The following ST6GALNAC3 variants were observed in gnomAD, a reference collection of about 807,000 sequenced individuals.
ST6GALNAC3 encodes the protein ST6 N-acetylgalactosaminide alpha-2,6-sialyltransferase 3.
In ST6GALNAC3, 25 loss-of-function variants were observed where a neutral mutation model predicts 32.7. That is an observed-to-expected ratio of 0.76 (90% CI 0.56 to 1.07). ST6GALNAC3 has a LOEUF of 1.07. ST6GALNAC3 is among the 50% of genes least tolerant of loss of function. The pLI is 0.00. For synonymous variants in ST6GALNAC3, 129 were observed against 133.1 expected (o/e 0.97, Z 0.21); for missense variants, 355 against 382.4 (o/e 0.93, Z 0.60).
At chr1:76,177,076 T>C (rs1367125400) in intron 1 of ST6GALNAC3, among the ~76,000 whole-genome samples, 1 of 152,190 alleles carries the variant, frequency 6.6e-6, no homozygotes, top group Non-Finnish European at 1.5e-5. Flanking sequence ...CGTTGTCTAT[T>C]AACAAAAAGT....
chr1:76,507,344 G>C (rs1453863549), intron 3 of ST6GALNAC3, among the ~76,000 whole-genome samples: 1 of 151,936 alleles, frequency 6.6e-6, no homozygotes, highest in Non-Finnish European at 1.5e-5. Context: ...ATGGCTTTTA[G>C]TATATTCAGA....
At chr1:76,499,599 G>C (rs899642315) in intron 3 of ST6GALNAC3, among the ~76,000 whole-genome samples, 3 of 151,984 alleles carry the variant, frequency 2.0e-5, no homozygotes, top group African/African-American at 7.3e-5. Flanking sequence ...TGGAGGGGAG[G>C]GGTCCTTAGG....
intron 2 of ST6GALNAC3, among the ~76,000 whole-genome samples, chr1:76,380,153 G>C (rs925867691): frequency 6.6e-6 from 1 of 152,150 alleles, no homozygotes; most frequent in Non-Finnish European, 1.5e-5. Flanking sequence ...CTTAAAATGG[G>C]CAGGAAATGT....
At chr1:76,330,680 G>T (rs1041332793) in intron 2 of ST6GALNAC3, among the ~76,000 whole-genome samples, 4 of 152,180 alleles carry the variant, frequency 2.6e-5, no homozygotes, top group Non-Finnish European at 4.4e-5. Context: ...CTATGTAATA[G>T]ATACTATTAT....
At chr1:76,114,131 CTG>C (rs760620314) in intron 1 of ST6GALNAC3, among the ~76,000 whole-genome samples, 16 of 151,918 alleles carry the variant, frequency 1.1e-4, no homozygotes, top group Non-Finnish European at 2.1e-4. Context: ...ACATGAGTCA[CTG>C]TGCTCAGCCA....
chr1:76,606,967 A>G (rs903360234), intron 3 of ST6GALNAC3, among the ~76,000 whole-genome samples: 5 of 151,868 alleles, frequency 3.3e-5, no homozygotes, highest in African/African-American at 7.3e-5. Context: ...CCACACAGGT[A>G]AAGGCCTCAG....
In ST6GALNAC3 at chr1:76,632,675, A is replaced by C. The variant is rs2100744492; in HGVS notation, c.*3869A>C. The C allele has an allele frequency of 6.6e-6, 1 of 152,246 alleles. No individual in the cohort carries two copies. Among genetic ancestry groups the C allele is most frequent in the East Asian group, 1.9e-4 (1 of 5,170 alleles). The allele number at this position is 152,246 out of a possible 1,614,324, so 9.4% of individuals were successfully genotyped here. A position where few individuals can be genotyped will look rare whatever the true frequency, so the allele number is the denominator to read the frequency against. On this transcript the variant is annotated 3_prime_UTR_variant, in exon 5 of 5. Coordinates refer to ENST00000328299, the MANE Select transcript of ST6GALNAC3 (RefSeq NM_152996.4). The stretch of plus-strand genomic sequence containing the variant: ...CAAGAAGTAGAAGGCCATCAGAAGA[A>C]AATCACTGTTACTTAGAGAAGAGAC...
chr1:76,325,227 AT>A (rs1184160694), intron 2 of ST6GALNAC3, among the ~76,000 whole-genome samples: 1 of 152,264 alleles, frequency 6.6e-6, no homozygotes, highest in Non-Finnish European at 1.5e-5. Context: ...GATGTATAAG[AT>A]ACATGCATTG....
chr1:76,081,854 C>G (rs192277668), intron 1 of ST6GALNAC3, among the ~76,000 whole-genome samples: 86 of 152,288 alleles, frequency 5.6e-4, no homozygotes, highest in African/African-American at 1.9e-3. Context: ...ATTTCAGGCT[C>G]CCCAACATAG....
intron 3 of ST6GALNAC3, among the ~76,000 whole-genome samples, chr1:76,515,109 G>A (rs1454784054): frequency 6.6e-6 from 1 of 152,096 alleles, no homozygotes; most frequent in African/African-American, 2.4e-5. Flanking sequence ...TTAAATGTTT[G>A]ATAGAATTCA....
intron 2 of ST6GALNAC3, among the ~76,000 whole-genome samples, chr1:76,318,856 GGGCTTGGTTCAA>G: frequency 6.6e-6 from 1 of 152,252 alleles, no homozygotes; most frequent in East Asian, 1.9e-4. Context: ...AGGTAGTCCA[GGGCTTGGTTCAA>G]GGTAATCTTG....
chr1:76,582,349 TGA>T (rs1646904058), intron 3 of ST6GALNAC3, among the ~76,000 whole-genome samples: 2 of 152,166 alleles, frequency 1.3e-5, no homozygotes, highest in Non-Finnish European at 2.9e-5. Context: ...GGCTGGGTTC[TGA>T]GACAGAGCAT....
chr1:76,326,404 G>T (rs752763649), intron 2 of ST6GALNAC3, among the ~76,000 whole-genome samples: 1 of 152,184 alleles, frequency 6.6e-6, no homozygotes, highest in Non-Finnish European at 1.5e-5. Flanking sequence ...GGAGTGGGAA[G>T]TATACTCCTC....
Position 76,412,092 on chromosome 1 carries a change from C to T in ST6GALNAC3, c.298C>T (p.Arg100Ter), listed in dbSNP as rs374793601. 8.7e-6 allele frequency: 14 copies of T among 1,613,338 alleles called. No homozygotes were observed. Among genetic ancestry groups the T allele is most frequent in the Non-Finnish European group, 1.0e-5 (12 of 1,179,704 alleles). ...CCAGAAGGTGGGAAATGAGATAGAT[C>T]GATCCTCCTGCATTTGGAGAATGAA... ...VGQKVGNEIDRSSCIWRMNNA... is the reference protein window; with the variant it reads ...VGQKVGNEID Residue 100 changes from arginine to a stop codon, truncating the protein, a stop_gained, in exon 3 of 5, where the codon CGA becomes TGA. Coordinates refer to ENST00000328299, the MANE Select transcript of ST6GALNAC3 (RefSeq NM_152996.4). LOFTEE classifies it high-confidence loss of function.
chr1:76,156,818 G>T (rs1016557611), intron 1 of ST6GALNAC3, among the ~76,000 whole-genome samples: 12 of 152,260 alleles, frequency 7.9e-5, no homozygotes, highest in Middle Eastern at 3.4e-3. Context: ...TGCAAGCTCC[G>T]CCTCCCGGGT....
chr1:76,130,838 C>G (rs1050529928), intron 1 of ST6GALNAC3, among the ~76,000 whole-genome samples: 1 of 152,196 alleles, frequency 6.6e-6, no homozygotes, highest in African/African-American at 2.4e-5. Context: ...GCACCCCGCT[C>G]AGAGGTGGTT....
chr1:76,342,115 A>G lies in ST6GALNAC3; in HGVS notation c.213+28116A>G, dbSNP rs556761410. Among the ~76,000 whole-genome samples, 926 of 152,100 alleles carry G rather than the reference A, an allele frequency of 6.1e-3. 4 individuals carry two copies. Among genetic ancestry groups the G allele is most frequent in the African/African-American group, 0.021 (879 of 41,474 alleles). On this transcript the variant is annotated intron_variant, in intron 2 of 4. Coordinates refer to ENST00000328299, the MANE Select transcript of ST6GALNAC3 (RefSeq NM_152996.4). ...TTCTTTATCCAGTCTATCATTGATGAGCGTTTGGGTTGGTTCCAGGTCTTT... is the reference window on the plus strand; with the variant it reads ...TTCTTTATCCAGTCTATCATTGATGGGCGTTTGGGTTGGTTCCAGGTCTTT...
chr1:76,342,780 A>G (rs1192054177), intron 2 of ST6GALNAC3, among the ~76,000 whole-genome samples: 1 of 151,792 alleles, frequency 6.6e-6, no homozygotes, highest in African/African-American at 2.4e-5. Flanking sequence ...GATTGGTATG[A>G]GATGGTGTCT....
intron 1 of ST6GALNAC3, among the ~76,000 whole-genome samples, chr1:76,221,622 A>C (rs1655775986): frequency 6.6e-6 from 1 of 152,182 alleles, no homozygotes; most frequent in South Asian, 2.1e-4. Flanking sequence ...GTGATTCAAC[A>C]ATCAGGCTCT....
Sources: gnomAD v4.1 joint callset for allele counts (sites outside exome capture counted in the v4.1 genomes callset) on GRCh38, gnomAD v4.1.1 for gene constraint, MANE v1.5 for transcripts, NCBI Gene and HGNC (gene_info 2026-07-23, HGNC 2026-07-21) for gene names.